CLIP1: variants seen among roughly 807,000 people sequenced by gnomAD.
The protein encoded by CLIP1 is CAP-Gly domain-containing linker protein 1.
CLIP1 carries 66 observed loss-of-function variants against 161.6 expected under a neutral mutation model. The ratio of observed to expected loss-of-function variants is 0.41; its 90% CI spans 0.33 to 0.50. The LOEUF (loss-of-function observed/expected upper bound fraction) is 0.50. Among genes scored for constraint, CLIP1 ranks in the 20% least tolerant of loss-of-function variants. CLIP1 has a pLI of 0.27. For synonymous variants in CLIP1, 598 were observed against 626.2 expected (o/e 0.96, Z 0.67); for missense variants, 1,376 against 1,702.0 (o/e 0.81, Z 3.37).
chr12:122,324,795 T>C (rs1951644604), intron 17 of CLIP1, among the ~76,000 whole-genome samples: 1 of 152,140 alleles, frequency 6.6e-6, no homozygotes, highest in South Asian at 2.1e-4. Flanking sequence ...ACTCAGTATA[T>C]TTTAATGAAA....
intron 5 of CLIP1, among the ~76,000 whole-genome samples, chr12:122,357,206 C>G (rs550936025): frequency 1.3e-5 from 2 of 151,782 alleles, no homozygotes; most frequent in Non-Finnish European, 2.9e-5. Context: ...CGTCTCTGCC[C>G]GGCCGCCCAT....
At chr12:122,290,054 G>A (rs959040787) in intron 20 of CLIP1, among the ~76,000 whole-genome samples, 12 of 152,046 alleles carry the variant, frequency 7.9e-5, no homozygotes, top group Non-Finnish European at 1.2e-4. Flanking sequence ...GGGTCAAAAA[G>A]CTCTTATATT....
chr12:122,337,753 C>T (rs1406279221), intron 11 of CLIP1, among the ~76,000 whole-genome samples: 1 of 152,094 alleles, frequency 6.6e-6, no homozygotes, highest in Admixed American at 6.5e-5. Flanking sequence ...CGGTGGCTCA[C>T]GCCTGTAATC....
intron 10 of CLIP1, chr12:122,343,166 G>A (rs1278671947): frequency 7.1e-6 from 1 of 140,138 alleles, no homozygotes; most frequent in Non-Finnish European, 1.5e-5. Context: ...TTGAGATGGA[G>A]TTTTGCTTTC....
chr12:122,364,113 A>C lies in CLIP1; in HGVS notation c.658-6T>G, dbSNP rs768374820. ...CCAGCCTTAGTGCCACCAACCTGGA[A>C]GAAGAGAAGGTTAAAATAAAGAGAT... On this transcript the variant is annotated splice_region_variant and splice_polypyrimidine_tract_variant and intron_variant, in intron 3 of 25. Coordinates refer to ENST00000620786, the MANE Select transcript of CLIP1 (RefSeq NM_001247997.2). The C allele has an allele frequency of 3.0e-5, 48 of 1,613,704 alleles. No homozygotes were observed. The highest frequency in any genetic ancestry group is 4.1e-5 in the Non-Finnish European group (48 of 1,179,928).
In CLIP1 at chr12:122,279,640, C is replaced by T. The variant is rs955672725; in HGVS notation, c.3648-495G>A. 1 of 152,132 alleles carries T rather than the reference C, an allele frequency of 6.6e-6. No homozygotes were observed. Among genetic ancestry groups the T allele is most frequent in the Non-Finnish European group, 1.5e-5 (1 of 68,090 alleles). 9.4% of individuals were successfully genotyped at this position (152,132 alleles called of 1,614,324 possible). A position where few individuals can be genotyped will look rare whatever the true frequency, so the allele number is the denominator to read the frequency against. The stretch of plus-strand genomic sequence containing the variant: ...TCACTAATTTCAGTAACTTTTGTAG[C>T]AAGTTCCAAGAATGGGTGTTTAAGA... On this transcript the variant is annotated intron_variant, in intron 21 of 25. Transcript: ENST00000620786. This position sits in a 1 kb window ranked among gnomAD's most constrained non-coding sequence, Gnocchi z 4.5.
intron 4 of CLIP1, among the ~76,000 whole-genome samples, chr12:122,363,074 G>A (rs554083696): frequency 6.6e-6 from 1 of 152,128 alleles, no homozygotes; most frequent in Non-Finnish European, 1.5e-5. Flanking sequence ...ATGCATTAAT[G>A]TACTGTATAC....
chr12:122,361,242 A>G, intron 4 of CLIP1, 61 bp from the exon 5 acceptor site: 1 of 1,386,582 alleles, frequency 7.2e-7, no homozygotes, highest in Non-Finnish European at 1.0e-6. Flanking sequence ...TAATAACTAT[A>G]ACCAAAAGGT....
At chr12:122,295,100 T>C (rs1412049038) in intron 20 of CLIP1, among the ~76,000 whole-genome samples, 1 of 150,348 alleles carries the variant, frequency 6.7e-6, no homozygotes, top group Non-Finnish European at 1.5e-5. Context: ...TAAATTAAAA[T>C]TAAAAATAGA....
intron 1 of CLIP1, among the ~76,000 whole-genome samples, chr12:122,390,206 AT>A (rs1955555842): frequency 7.3e-6 from 1 of 137,826 alleles, no homozygotes; most frequent in Non-Finnish European, 1.6e-5. Context: ...TAATATATAT[AT>A]ACACACATAT....
intron 24 of CLIP1, among the ~76,000 whole-genome samples, chr12:122,276,106 A>T (rs1955416140): frequency 1.3e-5 from 2 of 152,258 alleles, no homozygotes. Flanking sequence ...ACAATATTTA[A>T]AATATATATA....
intron 1 of CLIP1, among the ~76,000 whole-genome samples, chr12:122,419,782 A>G (rs1956874689): frequency 6.6e-6 from 1 of 151,890 alleles, no homozygotes; most frequent in Admixed American, 6.6e-5. Context: ...CTAAAAATAC[A>G]AAAACTAGCC....
chr12:122,409,881 T>TA (rs1956466177), intron 1 of CLIP1, among the ~76,000 whole-genome samples: 2 of 151,008 alleles, frequency 1.3e-5, no homozygotes, highest in Non-Finnish European at 3.0e-5. Context: ...TTTATTTTTT[T>TA]TTTTTTTGAG....
intron 18 of CLIP1, among the ~76,000 whole-genome samples, chr12:122,318,936 T>C (rs1410723106): frequency 6.6e-6 from 1 of 152,188 alleles, no homozygotes; most frequent in East Asian, 1.9e-4. Context: ...ATGTGTGTGA[T>C]GTAAGATCAA....
Position 122,328,253 on chromosome 12 carries a change from C to A in CLIP1, c.3033+8G>T, listed in dbSNP as rs770828904. On this transcript the variant is annotated splice_region_variant and intron_variant, in intron 16 of 25. Transcript: ENST00000620786. ...GCCAGCCAACAGGCCCACTGAGTATCTCCTTACCAGGTCCGACAATTTCCT... is the reference window on the plus strand; with the variant it reads ...GCCAGCCAACAGGCCCACTGAGTATATCCTTACCAGGTCCGACAATTTCCT... 1 of 1,613,718 alleles carries A rather than the reference C, an allele frequency of 6.2e-7. No individual in the cohort carries two copies. The highest frequency in any genetic ancestry group is 8.5e-7 in the Non-Finnish European group (1 of 1,179,892).
At chr12:122,334,613 T>C (rs1376242533) in intron 13 of CLIP1, 35 bp downstream of exon 13, 2 of 1,457,136 alleles carry the variant, frequency 1.4e-6, no homozygotes, top group Non-Finnish European at 1.9e-6. Flanking sequence ...ATGATATTTT[T>C]TAAAGCAATC....
intron 4 of CLIP1, 127 bp from the exon 5 acceptor site, chr12:122,361,308 G>T: frequency 1.3e-6 from 1 of 759,630 alleles, no homozygotes; most frequent in Non-Finnish European, 2.1e-6. Context: ...CTAAGCTGGG[G>T]TTACACACCA....
chr12:122,352,857 A>C, intron 7 of CLIP1, 71 bp from the exon 8 acceptor site: 6 of 1,357,206 alleles, frequency 4.4e-6, no homozygotes, highest in Non-Finnish European at 6.3e-6. Context: ...AACAAAACAA[A>C]CAAACAAAAA....
At chr12:122,406,781 C>CAAT (rs1407528391) in intron 1 of CLIP1, among the ~76,000 whole-genome samples, 1 of 152,038 alleles carries the variant, frequency 6.6e-6, no homozygotes, top group Non-Finnish European at 1.5e-5. Context: ...GGGCATAAGA[C>CAAT]AATGTTTTTT....
Sources: gnomAD v4.1 joint callset for allele counts (sites outside exome capture counted in the v4.1 genomes callset) on GRCh38, gnomAD v4.1.1 for gene constraint, Gnocchi (gnomAD v3.1) non-coding constraint, MANE v1.5 for transcripts, NCBI Gene and HGNC (gene_info 2026-07-23, HGNC 2026-07-21) for gene names.